The following BMERB1 variants were observed in gnomAD, a reference collection of about 807,000 sequenced individuals.
BMERB1 encodes the protein bMERB domain-containing protein 1.
Under a neutral mutation model 23.6 loss-of-function variants are expected in BMERB1, and 12 were observed. The ratio of observed to expected loss-of-function variants is 0.51; its 90% CI spans 0.33 to 0.82. The LOEUF is 0.82. BMERB1 is among the 40% of genes least tolerant of loss of function. BMERB1 has a pLI of 0.03. For missense variants in BMERB1, 247 were observed against 255.4 expected (o/e 0.97, Z 0.22); for synonymous variants, 122 against 96.6 (o/e 1.26, Z -1.54).
At chr16:15,506,086 C>G (rs1375221776) in intron 1 of BMERB1, among the ~76,000 whole-genome samples, 2 of 152,086 alleles carry the variant, frequency 1.3e-5, no homozygotes, top group African/African-American at 4.8e-5. Context: ...CATTATAGCA[C>G]TGCCCCAATT....
rs1462946044 is a variant in BMERB1 at position 15,586,950 on chromosome 16, C to T, written c.*121C>T. 2.4e-5 allele frequency: 17 copies of T among 694,394 alleles called. No individual in the cohort carries two copies. The highest frequency in any genetic ancestry group is 4.1e-5 in the Non-Finnish European group (17 of 414,142). The allele number at this position is 694,394 out of a possible 1,614,324, so 43.0% of individuals were successfully genotyped here. On this transcript the variant is annotated 3_prime_UTR_variant, in exon 6 of 6. Coordinates refer to ENST00000300006, the MANE Select transcript of BMERB1 (RefSeq NM_033201.3). ...GAAGGGGTTGAAGGCAAGCCCGTGA[C>T]TGTCACCAGAGGCCATGGGCACGGC...
intron 2 of BMERB1, among the ~76,000 whole-genome samples, chr16:15,520,678 G>A (rs112971215): frequency 0.029 from 4,419 of 151,856 alleles, 200 homozygotes; most frequent in South Asian, 0.11. Flanking sequence ...TAGTAGAGAC[G>A]GGGTTTCACC....
At chr16:15,453,645 G>A (rs1025005443) in intron 1 of BMERB1, among the ~76,000 whole-genome samples, 2 of 152,038 alleles carry the variant, frequency 1.3e-5, no homozygotes, top group African/African-American at 4.8e-5. Flanking sequence ...GCCGAGGCGG[G>A]CAGATCACTT....
intron 1 of BMERB1, among the ~76,000 whole-genome samples, chr16:15,471,766 T>TG (rs2051231249): frequency 6.6e-6 from 1 of 152,054 alleles, no homozygotes; most frequent in Non-Finnish European, 1.5e-5. Flanking sequence ...TTTGTAGAGA[T>TG]GGGGTCTTGC....
chr16:15,447,053 C>T (rs916749993), intron 1 of BMERB1, among the ~76,000 whole-genome samples: 2 of 152,132 alleles, frequency 1.3e-5, no homozygotes, highest in Admixed American at 6.6e-5. Flanking sequence ...ATAATAGTTG[C>T]GTGATCTTGG....
At chr16:15,458,173 C>CTGATGCCT (rs2051101240) in intron 1 of BMERB1, among the ~76,000 whole-genome samples, 1 of 152,194 alleles carries the variant, frequency 6.6e-6, no homozygotes, top group Non-Finnish European at 1.5e-5. Flanking sequence ...ACAGGTTGAA[C>CTGATGCCT]TGATGCCTCT....
At chr16:15,446,103 A>T (rs578111804) in intron 1 of BMERB1, among the ~76,000 whole-genome samples, 1 of 152,214 alleles carries the variant, frequency 6.6e-6, no homozygotes, top group African/African-American at 2.4e-5. Context: ...AAATAAAAAT[A>T]AAAAAGTTAG....
chr16:15,488,934 A>C (rs2051392127), intron 1 of BMERB1, among the ~76,000 whole-genome samples: 1 of 150,018 alleles, frequency 6.7e-6, no homozygotes, highest in African/African-American at 2.5e-5. Flanking sequence ...GGAATGTACT[A>C]ACCGGGGTTT....
At chr16:15,494,877 C>CTTTTTTTTTTTTTTTTT (rs754135430) in intron 1 of BMERB1, among the ~76,000 whole-genome samples, 7 of 95,176 alleles carry the variant, frequency 7.4e-5, no homozygotes, top group Non-Finnish European at 1.4e-4. Flanking sequence ...TTTTTTTTAT[C>CTTTTTTTTTTTTTTTTT]TTTTTTTTTT....
intron 2 of BMERB1, among the ~76,000 whole-genome samples, chr16:15,532,335 G>A (rs1275298984): frequency 1.3e-5 from 2 of 149,864 alleles, no homozygotes; most frequent in Non-Finnish European, 3.0e-5. Flanking sequence ...GGGTTCAAGC[G>A]ATTCTCCTGC....
chr16:15,434,907 T>G (rs2050874548), intron 1 of BMERB1, 148 bp downstream of exon 1: 3 of 668,114 alleles, frequency 4.5e-6, no homozygotes, highest in East Asian at 2.8e-5. Context: ...GATACGCAGC[T>G]CTGCGCAGCG....
chr16:15,470,187 G>A (rs759639762), intron 1 of BMERB1, among the ~76,000 whole-genome samples: 17 of 152,160 alleles, frequency 1.1e-4, no homozygotes, highest in Non-Finnish European at 2.4e-4. Context: ...TGTACTACAT[G>A]AGTGTTGGAT....
rs1020978813 is a variant in BMERB1 at position 15,454,732 on chromosome 16, C to T, written c.106+19973C>T. Among the ~76,000 whole-genome samples, 114 of 150,600 alleles carry T rather than the reference C, an allele frequency of 7.6e-4. 1 individual carries two copies. Among genetic ancestry groups the T allele is most frequent in the African/African-American group, 2.5e-3 (102 of 40,850 alleles). ...GCTTGAACCCAGAAGGCGGAGGTTG[C>T]AGTGAGCCAAGATTGTGCCACTGCA... is the stretch of plus-strand genomic sequence containing the variant. On this transcript the variant is annotated intron_variant, in intron 1 of 5. Transcript: ENST00000300006.
chr16:15,578,089 C>T (rs1017298451), intron 3 of BMERB1, among the ~76,000 whole-genome samples: 51 of 152,368 alleles, frequency 3.3e-4, no homozygotes, highest in Middle Eastern at 3.4e-3. Flanking sequence ...TCCTTTCTTG[C>T]TCATGGCTGC....
chr16:15,449,563 A>G (rs754756802), intron 1 of BMERB1, among the ~76,000 whole-genome samples: 1 of 151,644 alleles, frequency 6.6e-6, no homozygotes, highest in Non-Finnish European at 1.5e-5. Context: ...TTTTTTTTTA[A>G]GAGAGGGAGT....
At chr16:15,466,856 A>C (rs1022676527) in intron 1 of BMERB1, among the ~76,000 whole-genome samples, 7 of 152,296 alleles carry the variant, frequency 4.6e-5, no homozygotes, top group Non-Finnish European at 1.0e-4. Context: ...AGTTACAGTT[A>C]CCTTGCCCCA....
intron 4 of BMERB1, among the ~76,000 whole-genome samples, chr16:15,581,651 G>A (rs922130107): frequency 9.9e-5 from 15 of 152,148 alleles, no homozygotes; most frequent in Non-Finnish European, 2.1e-4. Flanking sequence ...TGAAACTTCT[G>A]CTATCAGTTT....
chr16:15,449,382 G>C (rs2051020632), intron 1 of BMERB1, among the ~76,000 whole-genome samples: 1 of 152,154 alleles, frequency 6.6e-6, no homozygotes, highest in Non-Finnish European at 1.5e-5. Flanking sequence ...GGAGGAAGGA[G>C]GGAGGGAAGA....
At chr16:15,470,463 G>A (rs1417156418) in intron 1 of BMERB1, among the ~76,000 whole-genome samples, 2 of 151,726 alleles carry the variant, frequency 1.3e-5, no homozygotes, top group Admixed American at 1.3e-4. Context: ...GTCTCTCTCT[G>A]GTTGTGGTAT....
Sources: allele counts gnomAD v4.1 joint callset (sites outside exome capture counted in the v4.1 genomes callset), GRCh38; gene constraint gnomAD v4.1.1; transcripts MANE v1.5; gene names NCBI Gene and HGNC (gene_info 2026-07-23, HGNC 2026-07-21).